Variants in SOX30 observed in about 807,000 individuals in gnomAD.
SOX30 encodes SRY-box transcription factor 30.
In SOX30, 17 loss-of-function variants were observed where a neutral mutation model predicts 58.6. That is an observed-to-expected ratio of 0.29 (90% CI 0.20 to 0.44). The LOEUF (loss-of-function observed/expected upper bound fraction) is 0.44. Ranked by LOEUF, SOX30 falls within the 20% of genes least tolerant of loss-of-function variation. The probability of loss-of-function intolerance (pLI) is 1.00; values close to 1 mark genes in which losing one functional copy is unlikely to be tolerated. For missense variants in SOX30, 951 were observed against 965.8 expected (o/e 0.98, Z 0.20); for synonymous variants, 421 against 400.2 (o/e 1.05, Z -0.62).
At chr5:157,660,250 G>A (rs145509367) in intron 2 of SOX30, among the ~76,000 whole-genome samples, 17 of 152,106 alleles carry the variant, frequency 1.1e-4, no homozygotes, top group Admixed American at 5.9e-4. Context: ...GCAAAATCTC[G>A]TCTCTACAAA....
At chr5:157,644,629 A>G (rs1247325543) in intron 3 of SOX30, among the ~76,000 whole-genome samples, 1 of 152,216 alleles carries the variant, frequency 6.6e-6, no homozygotes, top group African/African-American at 2.4e-5. Flanking sequence ...AGCAGATGTA[A>G]GTGAGGTCTT....
intron 1 of SOX30, among the ~76,000 whole-genome samples, chr5:157,650,658 A>C (rs1200527464): frequency 6.6e-6 from 1 of 152,236 alleles, no homozygotes; most frequent in Non-Finnish European, 1.5e-5. Context: ...ATTCATTTTT[A>C]AAGATAGCCT....
At chr5:157,634,928 G>A (rs554312529) in intron 4 of SOX30, among the ~76,000 whole-genome samples, 7 of 152,308 alleles carry the variant, frequency 4.6e-5, no homozygotes, top group East Asian at 3.9e-4. Flanking sequence ...GATTACAGGC[G>A]TGAGCCACTG....
intron 4 of SOX30, among the ~76,000 whole-genome samples, chr5:157,630,878 CAA>C (rs1192182898): frequency 1.6e-5 from 2 of 125,798 alleles, no homozygotes; most frequent in Admixed American, 8.8e-5. Flanking sequence ...TATATATATA[CAA>C]TATATATAAT....
chr5:157,646,752 A>T lies in SOX30; in HGVS notation c.1272T>A (p.Phe424Leu). Residue 424 changes from phenylalanine to leucine, a missense_variant, in exon 3 of 5, where the codon TTT becomes TTA. Transcript: ENST00000265007. ...AGATGATATTCTGTGTGGTACCAGA[A>T]AATACATTGGAAACACTTAGAGGGA... is the stretch of plus-strand genomic sequence containing the variant. ...KRFPLSVSNV[F>L]SGTTQNIIST... The T allele has an allele frequency of 6.2e-7, 1 of 1,614,106 alleles. No homozygotes were observed. The highest frequency in any genetic ancestry group is 1.3e-5 in the African/African-American group (1 of 75,052).
intron 3 of SOX30, among the ~76,000 whole-genome samples, chr5:157,643,242 A>T (rs944916128): frequency 6.6e-6 from 1 of 152,074 alleles, no homozygotes; most frequent in Non-Finnish European, 1.5e-5. Flanking sequence ...CCTGGCTATC[A>T]TGGTGAAACC....
chr5:157,641,295 A>T (rs1759054223), intron 3 of SOX30, among the ~76,000 whole-genome samples: 1 of 152,154 alleles, frequency 6.6e-6, no homozygotes, highest in South Asian at 2.1e-4. Context: ...TGACAGAGTA[A>T]ATAATGCACC....
At chr5:157,658,243 A>G (rs1223923975) in intron 2 of SOX30, among the ~76,000 whole-genome samples, 1 of 152,244 alleles carries the variant, frequency 6.6e-6, no homozygotes, top group Non-Finnish European at 1.5e-5. Context: ...TTATACAACT[A>G]ATCAGGCCAA....
rs1453121470 is a variant in SOX30, at chr5:157,626,488, T to TC, written c.2113dup (p.Glu705GlyfsTer28). The TC allele has an allele frequency of 6.2e-7, 1 of 1,614,194 alleles. No homozygotes were observed. ...CTGAGGCACAGGGTTTAAGTTTTCT[T>TC]CCCCACTGTGGCTATGACTGTTATA... On this transcript the variant is annotated frameshift_variant, in exon 5 of 5. Transcript: ENST00000265007. LOFTEE classifies it high-confidence loss of function.
At chr5:157,636,855 T>C (rs1758940270) in intron 4 of SOX30, among the ~76,000 whole-genome samples, 1 of 152,090 alleles carries the variant, frequency 6.6e-6, no homozygotes, top group East Asian at 1.9e-4. Flanking sequence ...AGGCCGGGAA[T>C]GGTGGTTCAC....
chr5:157,666,290 A>T (rs1220669344), intron 2 of SOX30, among the ~76,000 whole-genome samples: 1 of 151,936 alleles, frequency 6.6e-6, no homozygotes, highest in African/African-American at 2.4e-5. Context: ...CCTCCAGAGT[A>T]GCTGGGACCA....
chr5:157,651,517 C>T lies in SOX30; in HGVS notation c.562G>A (p.Ala188Thr), dbSNP rs749053337. ...FRGDEKGKLE[A>T]EEVMRDSMQG... ...ATCGAGTCTCTCATGACCTCCTCCGCCTCCAGCTTGCCCTTCTCGTCCCCT... is the reference window on the plus strand; with the variant it reads ...ATCGAGTCTCTCATGACCTCCTCCGTCTCCAGCTTGCCCTTCTCGTCCCCT... Residue 188 changes from alanine (A) to threonine (T), a missense_variant, in exon 1 of 5, where the codon GCG becomes ACG. This residue lies in a region of SOX30 where 363 missense variants were observed against 294.5 expected (regional missense o/e 1.23). Transcript: ENST00000265007. 2 of 1,613,476 alleles carry T rather than the reference C, an allele frequency of 1.2e-6. No homozygotes were observed. The highest frequency in any genetic ancestry group is 1.7e-6 in the Non-Finnish European group (2 of 1,180,030).
At chr5:157,632,988 C>T (rs193202711) in intron 4 of SOX30, among the ~76,000 whole-genome samples, 1 of 152,204 alleles carries the variant, frequency 6.6e-6, no homozygotes, top group African/African-American at 2.4e-5. Flanking sequence ...ACTCAGGAGG[C>T]TGAGGCACGA....
intron 4 of SOX30, among the ~76,000 whole-genome samples, chr5:157,629,359 T>C (rs1758733245): frequency 6.6e-6 from 1 of 152,210 alleles, no homozygotes; most frequent in South Asian, 2.1e-4. Context: ...AACTGTCTTT[T>C]TCAGGACTCA....
chr5:157,648,189 C>T lies in SOX30; in HGVS notation c.1207+468G>A, dbSNP rs528557342. On this transcript the variant is annotated intron_variant, in intron 2 of 4. Coordinates refer to ENST00000265007, the MANE Select transcript of SOX30 (RefSeq NM_178424.2). ...GGACTCCTTTCACACTATATCATGA[C>T]AGGGCTAAATCTATCAATCAGAAGG... Among the ~76,000 whole-genome samples the T allele has an allele frequency of 2.6e-5, 4 of 152,320 alleles. No individual in the cohort carries two copies. The South Asian group carries it at 8.3e-4, about 32-fold the overall frequency.
At chr5:157,660,687 A>T (rs1028523890) in intron 2 of SOX30, among the ~76,000 whole-genome samples, 1 of 152,030 alleles carries the variant, frequency 6.6e-6, no homozygotes, top group Non-Finnish European at 1.5e-5. Flanking sequence ...CCAGTACCAC[A>T]GTCTTGATTA....
chr5:157,628,958 G>A (rs1403449045), intron 4 of SOX30, among the ~76,000 whole-genome samples: 1 of 151,956 alleles, frequency 6.6e-6, no homozygotes, highest in Non-Finnish European at 1.5e-5. Flanking sequence ...CTGTGCTTCT[G>A]GCTAGCACAG....
chr5:157,666,690 C>T (rs998619652), intron 2 of SOX30, among the ~76,000 whole-genome samples: 1 of 151,948 alleles, frequency 6.6e-6, no homozygotes, highest in Non-Finnish European at 1.5e-5. Flanking sequence ...TTTTATTAGC[C>T]CCATTTTATG....
intron 3 of SOX30, among the ~76,000 whole-genome samples, chr5:157,642,105 C>T (rs906806784): frequency 8.6e-5 from 13 of 151,996 alleles, no homozygotes; most frequent in Non-Finnish European, 1.8e-4. Flanking sequence ...TACTTGAGTC[C>T]AGGAGTTCAA....
Sources: gnomAD v4.1 joint callset for allele counts (sites outside exome capture counted in the v4.1 genomes callset) on GRCh38, gnomAD v4.1.1 for gene constraint, gnomAD v4.1.1 regional missense constraint, MANE v1.5 for transcripts, NCBI Gene and HGNC (gene_info 2026-07-23, HGNC 2026-07-21) for gene names.